Variants in PLEKHM2 observed in about 807,000 individuals in gnomAD.
PLEKHM2 encodes pleckstrin homology domain-containing family M member 2.
A neutral mutation model predicts 116.3 loss-of-function variants in PLEKHM2; 77 were observed. The observed-to-expected ratio is 0.66, with a 90% CI of 0.55 to 0.80. The LOEUF (loss-of-function observed/expected upper bound fraction) is 0.80, where lower values mean the gene tolerates loss of function less well. Ranked by LOEUF, PLEKHM2 falls within the 30% of genes least tolerant of loss-of-function variation. The probability of loss-of-function intolerance (pLI) is 0.00; values close to 1 mark genes in which losing one functional copy is unlikely to be tolerated. For synonymous variants in PLEKHM2, 562 were observed against 571.0 expected (o/e 0.98, Z 0.22); for missense variants, 1,183 against 1,354.9 (o/e 0.87, Z 1.99).
rs1641282348 is a variant in PLEKHM2 at position 15,709,318 on chromosome 1, T to G, written c.61-6919T>G. Among the ~76,000 whole-genome samples the G allele has an allele frequency of 4.6e-5, 7 of 152,308 alleles. No individual in the cohort carries two copies. In the South Asian group the frequency reaches 1.5e-3, roughly 32 times the overall value. On this transcript the variant is annotated intron_variant, in intron 1 of 19. Coordinates refer to ENST00000375799, the MANE Select transcript of PLEKHM2 (RefSeq NM_015164.4). ...ATTCTGTTCTGGGGTCCTCATTTCT[T>G]CGATGTTTGCTTTCCTTCCACTCCT...
rs12065705 is a variant in PLEKHM2, at chr1:15,721,619, C to T, written c.712+231C>T. ...CTCCTGCCTTTGCTCAGTGGCCTTT[C>T]GGAGTCACTAAGTGGCTGCATTTCG... is the stretch of plus-strand genomic sequence containing the variant. On this transcript the variant is annotated intron_variant, in intron 7 of 19. Transcript: ENST00000375799. This position sits in a 1 kb window ranked among gnomAD's most constrained non-coding sequence, Gnocchi z 5.1. 0.16 allele frequency among the ~76,000 whole-genome samples: 24,330 copies of T among 152,072 alleles called. 3,630 individuals carry two copies. The highest frequency in any genetic ancestry group is 0.4 in the African/African-American group (16,509 of 41,424).
At chr1:15,691,360 C>T (rs1640885659) in intron 1 of PLEKHM2, among the ~76,000 whole-genome samples, 1 of 152,228 alleles carries the variant, frequency 6.6e-6, no homozygotes, top group Non-Finnish European at 1.5e-5. Context: ...GCATGAGCCA[C>T]TGCACTTGGC....
Position 15,721,685 on chromosome 1 carries a change from A to G in PLEKHM2, c.712+297A>G, listed in dbSNP as rs2067999353. Among the ~76,000 whole-genome samples the G allele has an allele frequency of 6.6e-6, 1 of 152,072 alleles. No homozygotes were observed. Among genetic ancestry groups the G allele is most frequent in the East Asian group, 1.9e-4 (1 of 5,190 alleles). ...CCCTTCCTGATTCCAGTGCCAGCTGATGCTCTCGGGGTGTGTAGGGCCTGA... is the reference window on the plus strand; with the variant it reads ...CCCTTCCTGATTCCAGTGCCAGCTGGTGCTCTCGGGGTGTGTAGGGCCTGA... On this transcript the variant is annotated intron_variant, in intron 7 of 19. Coordinates refer to ENST00000375799, the MANE Select transcript of PLEKHM2 (RefSeq NM_015164.4). The surrounding 1 kb of genome is among the most constrained non-coding windows in gnomAD (Gnocchi z 5.1).
intron 14 of PLEKHM2, among the ~76,000 whole-genome samples, 184 bp downstream of exon 14, chr1:15,730,113 C>T (rs986957190): frequency 6.6e-6 from 1 of 152,202 alleles, no homozygotes; most frequent in African/African-American, 2.4e-5. Context: ...AAGTCATGTC[C>T]ACCTTCCTAC....
intron 1 of PLEKHM2, among the ~76,000 whole-genome samples, chr1:15,704,804 A>G (rs541693993): frequency 6.6e-6 from 1 of 152,102 alleles, no homozygotes; most frequent in South Asian, 2.1e-4. Flanking sequence ...CCCTTGGGAA[A>G]CTTTCCTCAC....
chr1:15,725,348 C>T lies in PLEKHM2; in HGVS notation c.744C>T (p.Pro248=). The T allele has an allele frequency of 6.4e-7, 1 of 1,551,328 alleles. No homozygotes were observed. Among genetic ancestry groups the T allele is most frequent in the South Asian group, 1.2e-5 (1 of 84,070 alleles). ...DGDLTDTVSG[P]RSTASDLTSS... The stretch of plus-strand genomic sequence containing the variant: ...ACCTCACAGACACGGTCAGTGGTCC[C>T]CGCTCCACAGCCTCCGACCTGACCA... Residue 248 remains proline, a synonymous_variant, in exon 8 of 20, where the codon CCC becomes CCT. Transcript: ENST00000375799.
intron 1 of PLEKHM2, among the ~76,000 whole-genome samples, chr1:15,696,525 A>G (rs1371271182): frequency 1.3e-5 from 2 of 151,910 alleles, no homozygotes; most frequent in African/African-American, 4.8e-5. Flanking sequence ...TAATTTTTGT[A>G]TTTTTAGTAG....
intron 1 of PLEKHM2, among the ~76,000 whole-genome samples, chr1:15,709,642 T>G (rs1257683082): frequency 4.6e-5 from 7 of 152,190 alleles, no homozygotes; most frequent in Non-Finnish European, 1.0e-4. Context: ...CCGGGTTTCC[T>G]GCCTACGGAG....
chr1:15,700,482 C>T (rs1641088705), intron 1 of PLEKHM2, among the ~76,000 whole-genome samples: 1 of 152,170 alleles, frequency 6.6e-6, no homozygotes, highest in Non-Finnish European at 1.5e-5. Context: ...GGGCTCCGGT[C>T]TCCCTGCCTA....
intron 7 of PLEKHM2, among the ~76,000 whole-genome samples, chr1:15,724,126 C>T (rs1371761860): frequency 6.6e-6 from 1 of 152,188 alleles, no homozygotes; most frequent in Non-Finnish European, 1.5e-5. Context: ...AGCCAGCTCC[C>T]CTCTCGGGGG....
At chr1:15,695,172 A>T (rs57197999) in intron 1 of PLEKHM2, among the ~76,000 whole-genome samples, 5,653 of 152,314 alleles carry the variant, frequency 0.037, 357 homozygotes, top group African/African-American at 0.13. Flanking sequence ...TCCTCCCCAG[A>T]TAACTGTATT....
At position 15,729,563 on chromosome 1, in the gene PLEKHM2, CTG is replaced by C. The variant is rs1396104221; in HGVS notation, c.2076-232_2076-231del. On this transcript the variant is annotated intron_variant, in intron 13 of 19. Transcript: ENST00000375799. The surrounding 1 kb of genome is among the most constrained non-coding windows in gnomAD (Gnocchi z 4.7). ...CACCCTCTTTGTCTGTCTTCCCTCA[CTG>C]TCAAAATCCAAGGCCCCTTGGCCAT... 2.6e-5 allele frequency among the ~76,000 whole-genome samples: 4 copies of C among 152,200 alleles called. No homozygotes were observed. The highest frequency in any genetic ancestry group is 9.7e-5 in the African/African-American group (4 of 41,438).
intron 7 of PLEKHM2, chr1:15,723,031 G>T (rs1347147214): frequency 1.3e-5 from 2 of 152,140 alleles, no homozygotes; most frequent in African/African-American, 4.8e-5. Flanking sequence ...GCTCACTCTG[G>T]CAGCTCACCC....
chr1:15,731,738 C>G lies in PLEKHM2; in HGVS notation c.2466-151C>G, dbSNP rs1044066630. On this transcript the variant is annotated intron_variant, in intron 16 of 19. Coordinates refer to ENST00000375799, the MANE Select transcript of PLEKHM2 (RefSeq NM_015164.4). ...GGGGCTCCCAGACCTCTCCTGGGAG[C>G]TGGAGGGGCCTGGAGAACCCTCTGG... is the stretch of plus-strand genomic sequence containing the variant. The G allele has an allele frequency of 4.6e-6, 3 of 645,788 alleles. No individual in the cohort carries two copies. In the Admixed American group the frequency reaches 9.0e-5, roughly 19 times the overall value. The allele number at this position is 645,788 out of a possible 1,614,324, so 40.0% of individuals were successfully genotyped here.
In PLEKHM2 at chr1:15,716,326, C is replaced by T; in HGVS notation, c.150C>T (p.Asp50=). 6.3e-7 allele frequency: 1 copy of T among 1,598,880 alleles called. No homozygotes were observed. ...KVLQRLCEHL[D]HALLYGLQDL... is the part of the protein sequence containing the mutation. ...TACAGCGTCTGTGTGAGCACCTGGACCACGCCCTGCTGTACGGGTAAGGTG... is the reference window on the plus strand; with the variant it reads ...TACAGCGTCTGTGTGAGCACCTGGATCACGCCCTGCTGTACGGGTAAGGTG... The change falls in exon 2 of 20, where the codon GAC becomes GAT. Residue 50 remains aspartate (D), a synonymous_variant. Transcript: ENST00000375799.
At chr1:15,722,531 G>A (rs930559933) in intron 7 of PLEKHM2, among the ~76,000 whole-genome samples, 2 of 152,160 alleles carry the variant, frequency 1.3e-5, no homozygotes, top group Admixed American at 6.5e-5. Context: ...CTCTGAACAG[G>A]GGAGGTGAGA....
chr1:15,684,706 C>A lies in PLEKHM2; in HGVS notation c.60+88C>A, dbSNP rs1009272405. 225 of 398,558 alleles carry A rather than the reference C, an allele frequency of 5.6e-4. 1 individual carries two copies. The African/African-American group carries it at 0.02, about 36-fold the overall frequency. 24.7% of individuals were successfully genotyped at this position (398,558 alleles called of 1,614,324 possible). ...GGCGCTCTCCCGGGCCGGGGCCCCC[C>A]GCCCTTCCCCTCCGCGACCCGGGGG... On this transcript the variant is annotated intron_variant, in intron 1 of 19. Transcript: ENST00000375799.
rs1164531830 is a variant in PLEKHM2 at position 15,727,916 on chromosome 1, G to A, written c.1760+84G>A. Reference sequence around the variant, plus strand: ...TGCCTCTGACCTCCAGATAAATTAAGCACTAGGAAGACCTAGCCTGAGTGA... The same window carrying A: ...TGCCTCTGACCTCCAGATAAATTAAACACTAGGAAGACCTAGCCTGAGTGA... On this transcript the variant is annotated intron_variant, in intron 9 of 19. Transcript: ENST00000375799. This position sits in a 1 kb window ranked among gnomAD's most constrained non-coding sequence, Gnocchi z 7.5. The A allele has an allele frequency of 7.9e-7, 1 of 1,268,324 alleles. No individual in the cohort carries two copies. Among genetic ancestry groups the A allele is most frequent in the Non-Finnish European group, 1.1e-6 (1 of 907,038 alleles). 78.6% of individuals were successfully genotyped at this position (1,268,324 alleles called of 1,614,324 possible).
intron 17 of PLEKHM2, 102 bp from the exon 18 acceptor site, chr1:15,732,248 T>C: frequency 2.8e-6 from 3 of 1,086,514 alleles, no homozygotes; most frequent in Non-Finnish European, 4.0e-6. Flanking sequence ...GGGAGATCCC[T>C]GGAGGGAGAG....
Sources: gnomAD v4.1 joint callset for allele counts (sites outside exome capture counted in the v4.1 genomes callset) on GRCh38, gnomAD v4.1.1 for gene constraint, Gnocchi (gnomAD v3.1) non-coding constraint, MANE v1.5 for transcripts, NCBI Gene and HGNC (gene_info 2026-07-23, HGNC 2026-07-21) for gene names.